MRTFA: variants seen among roughly 807,000 people sequenced by gnomAD.
The protein encoded by MRTFA is myocardin-related transcription factor A.
In MRTFA, 20 loss-of-function variants were observed where a neutral mutation model predicts 83.5. The ratio of observed to expected loss-of-function variants is 0.24; its 90% CI spans 0.17 to 0.35. MRTFA has a LOEUF of 0.35. MRTFA is among the 10% of genes least tolerant of loss of function. The probability of loss-of-function intolerance (pLI) is 1.00; values close to 1 mark genes in which losing one functional copy is unlikely to be tolerated. For synonymous variants in MRTFA, 659 were observed against 541.2 expected, an observed-to-expected ratio of 1.22 and a Z score of -3.02; for missense variants, 1,200 against 1,224.7, an observed-to-expected ratio of 0.98 and a Z score of 0.30.
intron 4 of MRTFA, among the ~76,000 whole-genome samples, chr22:40,446,960 T>G (rs1388766765): frequency 6.6e-6 from 1 of 152,152 alleles, no homozygotes; most frequent in Non-Finnish European, 1.5e-5. Flanking sequence ...TGTAACACAG[T>G]AGGAGGCAGT....
Position 40,459,842 on chromosome 22 carries a change from T to TAC in MRTFA, c.307+3378_307+3379insGT, listed in dbSNP as rs1569277894. Among the ~76,000 whole-genome samples, 5 of 137,086 alleles carry TAC rather than the reference T, an allele frequency of 3.6e-5. No individual in the cohort carries two copies. In the East Asian group the frequency reaches 1.1e-3, roughly 30 times the overall value. 89.9% of individuals were successfully genotyped at this position (137,086 alleles called of 152,430 possible). A position where few individuals can be genotyped will look rare whatever the true frequency, so the allele number is the denominator to read the frequency against. ...ACACACATATATACATATATATATA[T>TAC]ATATATATATATATATATATACACA... On this transcript the variant is annotated intron_variant, in intron 4 of 14. Transcript: ENST00000355630.
chr22:40,628,185 T>C (rs781529777), intron 1 of MRTFA, among the ~76,000 whole-genome samples: 7 of 152,174 alleles, frequency 4.6e-5, no homozygotes, highest in Non-Finnish European at 1.0e-4. Context: ...CCTCATGTTG[T>C]AAGGATTATT....
At chr22:40,433,209 G>T in intron 5 of MRTFA, 1 of 166,002 alleles carries the variant, frequency 6.0e-6, no homozygotes, top group Non-Finnish European at 1.4e-5. Flanking sequence ...TGGTTTAGAG[G>T]GTATAAGGTC....
At chr22:40,519,672 A>G in intron 3 of MRTFA, 1 of 1,172,678 alleles carries the variant, frequency 8.5e-7, no homozygotes, top group South Asian at 1.5e-5. Context: ...AAACTTAAAA[A>G]AAATGTTATA....
chr22:40,435,350 T>C, intron 5 of MRTFA, 149 bp downstream of exon 5: 1 of 781,694 alleles, frequency 1.3e-6, no homozygotes, highest in South Asian at 1.5e-5. Context: ...GCTTTCCATT[T>C]AAAACCACAA....
chr22:40,596,343 T>A (rs1411778152), intron 1 of MRTFA, among the ~76,000 whole-genome samples: 1 of 152,140 alleles, frequency 6.6e-6, no homozygotes. Flanking sequence ...CAATTCCCAA[T>A]TAAATAAATG....
rs150062288 is a variant in MRTFA at position 40,599,669 on chromosome 22, C to T, written c.-83-4934G>A. The stretch of plus-strand genomic sequence containing the variant: ...TCCAACACTCTGGGAGAGGCAGAAG[C>T]GAGCGGACTGCTTGAACCCAGGAGT... On this transcript the variant is annotated intron_variant, in intron 1 of 14. Transcript: ENST00000355630. 2.8e-3 allele frequency among the ~76,000 whole-genome samples: 420 copies of T among 152,150 alleles called. 4 individuals carry two copies. Among genetic ancestry groups the T allele is most frequent in the African/African-American group, 9.6e-3 (397 of 41,516 alleles).
intron 3 of MRTFA, among the ~76,000 whole-genome samples, chr22:40,464,300 C>T (rs1159553694): frequency 8.9e-5 from 10 of 112,780 alleles, no homozygotes; most frequent in Admixed American, 8.8e-4. Context: ...GAGTGAGATG[C>T]TGTCTCAGGA....
chr22:40,463,336 C>T, intron 3 of MRTFA, 50 bp from the exon 4 acceptor site: 1 of 1,500,990 alleles, frequency 6.7e-7, no homozygotes, highest in Non-Finnish European at 9.3e-7. Flanking sequence ...TTGGGTATTC[C>T]ACCTCAAAAA....
intron 1 of MRTFA, among the ~76,000 whole-genome samples, chr22:40,621,726 G>C (rs1477880000): frequency 6.6e-6 from 1 of 152,198 alleles, no homozygotes; most frequent in Non-Finnish European, 1.5e-5. Context: ...TAGAGCCAGA[G>C]ACTCAGAGGG....
intron 8 of MRTFA, among the ~76,000 whole-genome samples, 187 bp from the exon 9 acceptor site, chr22:40,423,872 GC>G (rs1247682750): frequency 5.3e-5 from 8 of 152,110 alleles, no homozygotes; most frequent in Non-Finnish European, 8.8e-5. Context: ...AAGAGAGAAG[GC>G]AATGAAAAGG....
chr22:40,533,708 T>A, intron 3 of MRTFA: 3 of 950,270 alleles, frequency 3.2e-6, no homozygotes, highest in Non-Finnish European at 4.1e-6. Context: ...AAAGCTGTCT[T>A]GAAAGCTTTC....
chr22:40,439,003 A>G (rs1439919755), intron 4 of MRTFA, among the ~76,000 whole-genome samples: 1 of 152,228 alleles, frequency 6.6e-6, no homozygotes, highest in African/African-American at 2.4e-5. Flanking sequence ...CTAATTTAAT[A>G]TTCCTAATCA....
At chr22:40,591,493 G>A (rs567662150) in intron 2 of MRTFA, among the ~76,000 whole-genome samples, 1 of 152,174 alleles carries the variant, frequency 6.6e-6, no homozygotes, top group Non-Finnish European at 1.5e-5. Context: ...AACTTCATGA[G>A]TGGAAGATTA....
chr22:40,589,154 T>A (rs2056078153), intron 2 of MRTFA, among the ~76,000 whole-genome samples: 1 of 152,032 alleles, frequency 6.6e-6, no homozygotes, highest in Non-Finnish European at 1.5e-5. Flanking sequence ...AAAAAGTGAA[T>A]CTAAATCTCC....
chr22:40,625,810 A>G (rs772959042), intron 1 of MRTFA, among the ~76,000 whole-genome samples: 1 of 152,024 alleles, frequency 6.6e-6, no homozygotes. Flanking sequence ...ATAACACAGA[A>G]TAAGTAAATA....
chr22:40,538,362 G>A (rs1425682436), intron 3 of MRTFA, among the ~76,000 whole-genome samples: 4 of 147,212 alleles, frequency 2.7e-5, no homozygotes, highest in African/African-American at 1.0e-4. Context: ...ACAGATGCTT[G>A]AAGGCAGCAT....
chr22:40,457,914 T>C (rs910746403), intron 4 of MRTFA, among the ~76,000 whole-genome samples: 1 of 152,216 alleles, frequency 6.6e-6, no homozygotes, highest in African/African-American at 2.4e-5. Flanking sequence ...ACTTCCATGT[T>C]TTCCTTTGAA....
intron 5 of MRTFA, among the ~76,000 whole-genome samples, chr22:40,434,542 T>C (rs2053130736): frequency 1.3e-5 from 2 of 151,974 alleles, no homozygotes; most frequent in African/African-American, 2.4e-5. Flanking sequence ...GCCAACATGG[T>C]GAAACCCCAT....
Sources: allele counts gnomAD v4.1 joint callset (sites outside exome capture counted in the v4.1 genomes callset), GRCh38; gene constraint gnomAD v4.1.1; transcripts MANE v1.5; gene names NCBI Gene and HGNC (gene_info 2026-07-23, HGNC 2026-07-21).